ZNF845: variants seen among roughly 807,000 people sequenced by gnomAD.
ZNF845 encodes zinc finger protein 845.
ZNF845 carries 59 observed loss-of-function variants against 76.1 expected under a neutral mutation model. The observed-to-expected ratio is 0.78, with a 90% CI of 0.63 to 0.96. The LOEUF is 0.96. ZNF845 is among the 40% of genes least tolerant of loss of function. The pLI, the probability that ZNF845 is intolerant of heterozygous loss-of-function variation, is 0.00. For missense variants in ZNF845, 1,045 were observed against 1,172.8 expected, an observed-to-expected ratio of 0.89 and a Z score of 1.59; for synonymous variants, 361 against 386.9, an observed-to-expected ratio of 0.93 and a Z score of 0.78.
chr19:53,355,294 C>G lies in ZNF845; in HGVS notation c.*1706C>G, dbSNP rs2085377544. The G allele has an allele frequency of 6.6e-6, 1 of 151,942 alleles. No homozygotes were observed. Among genetic ancestry groups the G allele is most frequent in the Non-Finnish European group, 1.5e-5 (1 of 68,000 alleles). The allele number at this position is 151,942 out of a possible 1,614,324, so 9.4% of individuals were successfully genotyped here. On this transcript the variant is annotated 3_prime_UTR_variant, in exon 4 of 4. Transcript: ENST00000458035. ...GACAATGTCTCTCTCTGTCGCCAGGCTAGAGTGCCGTGGAATGATCTTTGC... is the reference window on the plus strand; with the variant it reads ...GACAATGTCTCTCTCTGTCGCCAGGGTAGAGTGCCGTGGAATGATCTTTGC...
intron 1 of ZNF845, among the ~76,000 whole-genome samples, chr19:53,336,177 A>G (rs1223326088): frequency 6.8e-6 from 1 of 147,120 alleles, no homozygotes; most frequent in African/African-American, 2.5e-5. Context: ...GCGCCACTGC[A>G]TTCCATCCTG....
At position 53,341,521 on chromosome 19, in the gene ZNF845, G is replaced by A. The variant is rs548599414; in HGVS notation, c.15+199G>A. On this transcript the variant is annotated intron_variant, in intron 2 of 3. Coordinates refer to ENST00000458035, the MANE Select transcript of ZNF845 (RefSeq NM_138374.3). Reference sequence around the variant, plus strand: ...AGTGACATCAACTTGGGAAGAGGCCGCACTGGGCATGGTCCTGGGAAGGGC... The same window carrying A: ...AGTGACATCAACTTGGGAAGAGGCCACACTGGGCATGGTCCTGGGAAGGGC... Among the ~76,000 whole-genome samples the A allele has an allele frequency of 1.6e-4, 24 of 152,110 alleles. 1 individual carries two copies. In the South Asian group the frequency reaches 3.3e-3, roughly 21 times the overall value.
chr19:53,334,614 A>AG (rs1319807197), intron 1 of ZNF845, among the ~76,000 whole-genome samples: 18 of 152,156 alleles, frequency 1.2e-4, no homozygotes, highest in Non-Finnish European at 7.4e-5. Flanking sequence ...TAATGAAGAA[A>AG]GGGGGGCTGG....
rs1200099531 is a variant in ZNF845 at position 53,355,579 on chromosome 19, G to C, written c.*1991G>C. ...CAAATTGCTGGGATTATGGGTGTGA[G>C]CCATGAGCCCGGCCCCAACAAATGT... On this transcript the variant is annotated 3_prime_UTR_variant, in exon 4 of 4. Transcript: ENST00000458035. The C allele has an allele frequency of 6.6e-6, 1 of 152,090 alleles. No individual in the cohort carries two copies. The highest frequency in any genetic ancestry group is 1.5e-5 in the Non-Finnish European group (1 of 68,024). The allele number at this position is 152,090 out of a possible 1,614,324, so 9.4% of individuals were successfully genotyped here. A position where few individuals can be genotyped will look rare whatever the true frequency, so the allele number is the denominator to read the frequency against.
chr19:53,343,400 A>G (rs906225425), intron 2 of ZNF845, among the ~76,000 whole-genome samples: 1 of 152,170 alleles, frequency 6.6e-6, no homozygotes, highest in Non-Finnish European at 1.5e-5. Flanking sequence ...CTGCGTTACT[A>G]CAGATACCTG....
chr19:53,334,634 C>T (rs1246168002), intron 1 of ZNF845, among the ~76,000 whole-genome samples: 2 of 151,884 alleles, frequency 1.3e-5, no homozygotes, highest in Non-Finnish European at 2.9e-5. Context: ...GGCGCAGTGG[C>T]TCACGCCTGT....
intron 3 of ZNF845, among the ~76,000 whole-genome samples, chr19:53,347,435 C>T (rs2085304403): frequency 1.4e-5 from 1 of 72,688 alleles, no homozygotes; most frequent in Admixed American, 1.5e-4. Flanking sequence ...TGCCACCACA[C>T]CTGGCTGTTT....
At chr19:53,341,431 C>G in intron 2 of ZNF845, 109 bp downstream of exon 2, 8 of 1,495,372 alleles carry the variant, frequency 5.3e-6, no homozygotes, top group Non-Finnish European at 7.4e-6. Context: ...GACAGGTTTG[C>G]TCGCACTCAC....
At chr19:53,340,085 C>T (rs771057453) in intron 1 of ZNF845, among the ~76,000 whole-genome samples, 4 of 151,816 alleles carry the variant, frequency 2.6e-5, no homozygotes, top group Non-Finnish European at 5.9e-5. Context: ...GAGTTTTGCT[C>T]TTGTGTCCCA....
chr19:53,345,478 A>G, intron 2 of ZNF845, 28 bp from the exon 3 acceptor site: 1 of 1,613,412 alleles, frequency 6.2e-7, no homozygotes, highest in Non-Finnish European at 8.5e-7. Flanking sequence ...TCCCATAACC[A>G]TTTCCTTAAA....
chr19:53,337,207 C>G (rs2085221702), intron 1 of ZNF845: 2 of 456,348 alleles, frequency 4.4e-6, no homozygotes, highest in African/African-American at 2.0e-5. Flanking sequence ...CTGCTCTTAC[C>G]CTGTGTTCCT....
At position 53,351,096 on chromosome 19, in the gene ZNF845, G is replaced by T; in HGVS notation, c.421G>T (p.Gly141Ter). 10 of 1,614,188 alleles carry T rather than the reference G, an allele frequency of 6.2e-6. No individual in the cohort carries two copies. The highest frequency in any genetic ancestry group is 8.5e-6 in the Non-Finnish European group (10 of 1,180,028). The change falls in exon 4 of 4, where the codon GGA (glycine) becomes TGA (stop). Residue 141 changes from glycine to a stop codon, truncating the protein, a stop_gained. Coordinates refer to ENST00000458035, the MANE Select transcript of ZNF845 (RefSeq NM_138374.3). LOFTEE classifies it high-confidence loss of function. ...AAACAAGCCTATTAAAGATCAGCTT[G>T]GATCAAGCTTTCATTCGCATCTGCC... ...AGNKPIKDQL[G>*]SSFHSHLPEL...
chr19:53,340,272 G>A (rs767730193), intron 1 of ZNF845, among the ~76,000 whole-genome samples: 61 of 152,294 alleles, frequency 4.0e-4, no homozygotes, highest in Non-Finnish European at 8.4e-4. Flanking sequence ...GGCTGGTTTC[G>A]AACTTCTGAC....
In ZNF845 at chr19:53,356,477, G is replaced by C. The variant is rs542605083; in HGVS notation, c.*2889G>C. The C allele has an allele frequency of 3.9e-5, 6 of 152,436 alleles. No homozygotes were observed. Among genetic ancestry groups the C allele is most frequent in the South Asian group, 4.1e-4 (2 of 4,826 alleles). The allele number at this position is 152,436 out of a possible 1,614,324, so 9.4% of individuals were successfully genotyped here. A position where few individuals can be genotyped will look rare whatever the true frequency, so the allele number is the denominator to read the frequency against. ...CAGTTGAAGCAGGGATTTTGAGGCT[G>C]AAGTGAGCCCTGATCTCACCACTGC... On this transcript the variant is annotated 3_prime_UTR_variant, in exon 4 of 4. Transcript: ENST00000458035.
At chr19:53,348,449 A>C (rs568651483) in intron 3 of ZNF845, among the ~76,000 whole-genome samples, 2 of 152,228 alleles carry the variant, frequency 1.3e-5, no homozygotes, top group Non-Finnish European at 2.9e-5. Flanking sequence ...TGGTGGAAAG[A>C]GGAACAGGAA....
rs1027835226 is a variant in ZNF845 at position 53,338,656 on chromosome 19, C to T, written c.-73-2579C>T. Among the ~76,000 whole-genome samples, 8 of 151,276 alleles carry T rather than the reference C, an allele frequency of 5.3e-5. 1 individual carries two copies. The highest frequency in any genetic ancestry group is 1.9e-4 in the African/African-American group (8 of 41,076). ...CCTCCTGCCAGGCCAGTGGTGATGA[C>T]GCTCTACTGGCTTTTCCTTGCCTGT... On this transcript the variant is annotated intron_variant, in intron 1 of 3. Coordinates refer to ENST00000458035, the MANE Select transcript of ZNF845 (RefSeq NM_138374.3).
In ZNF845 at chr19:53,351,271, C is replaced by A. The variant is rs756030870; in HGVS notation, c.596C>A (p.Ser199Tyr). The change falls in exon 4 of 4, where the codon TCT (serine) becomes TAT (tyrosine). Residue 199 changes from serine to tyrosine, a missense_variant. Physicochemically the swap from Ser to Tyr is moderately radical, Grantham distance 144. Transcript: ENST00000458035. ...SKNYGNNFLN[S>Y]SLLTQKQEVH... ...AACTATGGGAATAATTTCCTGAATT[C>A]TTCATTACTCACACAAAAGCAGGAA... 6.2e-7 allele frequency: 1 copy of A among 1,614,168 alleles called. No homozygotes were observed. Among genetic ancestry groups the A allele is most frequent in the South Asian group, 1.1e-5 (1 of 91,080 alleles).
intron 3 of ZNF845, among the ~76,000 whole-genome samples, chr19:53,346,779 A>G (rs918218687): frequency 6.6e-6 from 1 of 152,244 alleles, no homozygotes; most frequent in Admixed American, 6.5e-5. Flanking sequence ...CATTTTCAAT[A>G]TCACGTACAG....
chr19:53,345,501 T>G lies in ZNF845; in HGVS notation c.16-5T>G. The G allele has an allele frequency of 6.2e-7, 1 of 1,613,722 alleles. No homozygotes were observed. The highest frequency in any genetic ancestry group is 2.2e-5 in the East Asian group (1 of 44,838). On this transcript the variant is annotated splice_region_variant and splice_polypyrimidine_tract_variant and intron_variant, in intron 2 of 3. Coordinates refer to ENST00000458035, the MANE Select transcript of ZNF845 (RefSeq NM_138374.3). ...CCATTTCCTTAAAATGTGTTTTCAT[T>G]TCAGGGTCTATTGACATTCAGGGAT...
Sources: gnomAD v4.1 joint callset for allele counts (sites outside exome capture counted in the v4.1 genomes callset) on GRCh38, gnomAD v4.1.1 for gene constraint, MANE v1.5 for transcripts, NCBI Gene and HGNC (gene_info 2026-07-23, HGNC 2026-07-21) for gene names.